Variants in MYO1E observed in about 807,000 individuals in gnomAD.
MYO1E encodes unconventional myosin-Ie.
A neutral mutation model predicts 151.1 loss-of-function variants in MYO1E; 68 were observed. The observed-to-expected ratio is 0.45, with a 90% CI of 0.37 to 0.55. The LOEUF is 0.55. MYO1E is among the 20% of genes least tolerant of loss of function. The probability of loss-of-function intolerance (pLI) is 0.00; values close to 1 mark genes in which losing one functional copy is unlikely to be tolerated. For synonymous variants in MYO1E, 601 were observed against 501.7 expected (o/e 1.20, Z -2.64); for missense variants, 1,363 against 1,389.3 (o/e 0.98, Z 0.30).
intron 2 of MYO1E, among the ~76,000 whole-genome samples, chr15:59,269,043 C>T (rs1397274335): frequency 6.6e-6 from 1 of 152,000 alleles, no homozygotes; most frequent in Admixed American, 6.6e-5. Context: ...CTACATTCAG[C>T]GGAAATGAAG....
intron 2 of MYO1E, 59 bp from the exon 3 acceptor site, chr15:59,261,568 T>C: frequency 8.9e-7 from 1 of 1,118,714 alleles, no homozygotes; most frequent in South Asian, 1.2e-5. Flanking sequence ...TTTTTCAAAT[T>C]AAGTAACCAG....
chr15:59,300,367 G>A (rs762690384), intron 1 of MYO1E, among the ~76,000 whole-genome samples: 33 of 151,722 alleles, frequency 2.2e-4, no homozygotes, highest in Admixed American at 1.6e-3. Context: ...ACACACACAC[G>A]GCCATTTCTG....
At chr15:59,371,481 T>C (rs1412674711) in intron 1 of MYO1E, among the ~76,000 whole-genome samples, 4 of 151,454 alleles carry the variant, frequency 2.6e-5, no homozygotes, top group African/African-American at 7.3e-5. Context: ...AATAGAGTCC[T>C]TGCTTTCGTG....
At chr15:59,180,230 T>G (rs1366474301) in intron 18 of MYO1E, among the ~76,000 whole-genome samples, 1 of 152,216 alleles carries the variant, frequency 6.6e-6, no homozygotes, top group Non-Finnish European at 1.5e-5. Flanking sequence ...TTCATATATG[T>G]TATAAGGATG....
intron 26 of MYO1E, among the ~76,000 whole-genome samples, chr15:59,139,781 A>C (rs1434444895): frequency 1.4e-5 from 2 of 147,344 alleles, no homozygotes; most frequent in Admixed American, 1.3e-4. Context: ...TACTCCTCAC[A>C]CTTCCCTCCG....
At chr15:59,251,861 A>G (rs2140367812) in intron 4 of MYO1E, among the ~76,000 whole-genome samples, 1 of 152,370 alleles carries the variant, frequency 6.6e-6, no homozygotes, top group Middle Eastern at 3.4e-3. Context: ...ATTTTAAGTG[A>G]CTTTTATGAA....
chr15:59,216,681 TATATACACATACACACACACAC>T (rs1305305692), intron 10 of MYO1E, among the ~76,000 whole-genome samples: 6 of 27,404 alleles, frequency 2.2e-4, no homozygotes, highest in African/African-American at 7.7e-4. Context: ...TATATATATA[TATATACACATACACACACACAC>T]ACACACACAC....
rs564483422 is a variant in MYO1E at position 59,352,215 on chromosome 15, T to C, written c.3+20283A>G. On this transcript the variant is annotated intron_variant, in intron 1 of 27. Transcript: ENST00000288235. Reference sequence around the variant, plus strand: ...CGATTCCACTTGGAAGAATCGCTCTTTAATTTTTGGTTGAGCAGGATAATT... The same window carrying C: ...CGATTCCACTTGGAAGAATCGCTCTCTAATTTTTGGTTGAGCAGGATAATT... 2.6e-5 allele frequency among the ~76,000 whole-genome samples: 4 copies of C among 152,332 alleles called. No individual in the cohort carries two copies. The East Asian group carries it at 7.7e-4, about 29-fold the overall frequency.
At chr15:59,328,290 C>A (rs1245334439) in intron 1 of MYO1E, among the ~76,000 whole-genome samples, 1 of 152,074 alleles carries the variant, frequency 6.6e-6, no homozygotes, top group Non-Finnish European at 1.5e-5. Flanking sequence ...CGTCTACCTC[C>A]CAGAGTGTGG....
At chr15:59,297,613 C>T (rs1170396046) in intron 1 of MYO1E, among the ~76,000 whole-genome samples, 1 of 151,786 alleles carries the variant, frequency 6.6e-6, no homozygotes, top group South Asian at 2.1e-4. Context: ...CAGGGTCGTG[C>T]TCTTGTGGCC....
chr15:59,240,425 C>G (rs376584759), intron 4 of MYO1E, among the ~76,000 whole-genome samples: 1 of 151,988 alleles, frequency 6.6e-6, no homozygotes. Context: ...TGGAAACATA[C>G]GGTAAAATAT....
At chr15:59,255,273 C>T (rs116239911) in intron 4 of MYO1E, among the ~76,000 whole-genome samples, 1,584 of 152,144 alleles carry the variant, frequency 0.01, 32 homozygotes, top group African/African-American at 0.036. Context: ...TGACACCAGA[C>T]GCCTGGCTAA....
intron 14 of MYO1E, 46 bp downstream of exon 14, chr15:59,208,635 C>A: frequency 6.2e-7 from 1 of 1,610,528 alleles, no homozygotes; most frequent in South Asian, 1.1e-5. Context: ...GATCACAAAC[C>A]CAAAGGCTTA....
chr15:59,160,797 T>C (rs1474390610), intron 24 of MYO1E, among the ~76,000 whole-genome samples: 3 of 152,040 alleles, frequency 2.0e-5, no homozygotes, highest in Non-Finnish European at 2.9e-5. Context: ...GAGGGGAAAT[T>C]TGAAGCTAAC....
intron 1 of MYO1E, among the ~76,000 whole-genome samples, chr15:59,309,944 T>C (rs1186231813): frequency 2.0e-5 from 3 of 152,138 alleles, no homozygotes; most frequent in Non-Finnish European, 2.9e-5. Flanking sequence ...CATCAGATCT[T>C]AGTGGTTCTC....
chr15:59,195,610 A>T (rs2079761813), intron 16 of MYO1E, 43 bp from the exon 17 acceptor site: 1 of 1,522,344 alleles, frequency 6.6e-7, no homozygotes, highest in African/African-American at 1.4e-5. Context: ...ACTTTCTCTA[A>T]AGAAGACCAA....
rs151110998 is a variant in MYO1E, at chr15:59,299,045, A to G, written c.4-26596T>C. On this transcript the variant is annotated intron_variant, in intron 1 of 27. Transcript: ENST00000288235. Reference sequence around the variant, plus strand: ...GTCTCTATGGCAAATTATCACAGACATGAAGGCCAGTGAGCTTATTCAGAG... The same window carrying G: ...GTCTCTATGGCAAATTATCACAGACGTGAAGGCCAGTGAGCTTATTCAGAG... Among the ~76,000 whole-genome samples, 7 of 152,380 alleles carry G rather than the reference A, an allele frequency of 4.6e-5. No individual in the cohort carries two copies. In the East Asian group the frequency reaches 1.3e-3, roughly 29 times the overall value.
intron 22 of MYO1E, among the ~76,000 whole-genome samples, chr15:59,165,998 T>A (rs1316788660): frequency 2.0e-5 from 3 of 152,256 alleles, no homozygotes; most frequent in Non-Finnish European, 2.9e-5. Context: ...ACAAGTCACC[T>A]TGAGTGGTTT....
At chr15:59,217,132 G>C (rs988334184) in intron 10 of MYO1E, among the ~76,000 whole-genome samples, 1 of 152,146 alleles carries the variant, frequency 6.6e-6, no homozygotes, top group Non-Finnish European at 1.5e-5. Context: ...CCTCGTCTTT[G>C]AGTCAGAACC....
Sources: gnomAD v4.1 joint callset for allele counts (sites outside exome capture counted in the v4.1 genomes callset) on GRCh38, gnomAD v4.1.1 for gene constraint, MANE v1.5 for transcripts, NCBI Gene and HGNC (gene_info 2026-07-23, HGNC 2026-07-21) for gene names.